ZNF385D: variants seen among roughly 807,000 people sequenced by gnomAD.
ZNF385D encodes zinc finger protein 385D, also known as zinc finger protein 659.
A neutral mutation model predicts 35.8 loss-of-function variants in ZNF385D; 15 were observed. The observed-to-expected ratio is 0.42, with a 90% CI of 0.28 to 0.64. ZNF385D has a LOEUF of 0.64. Ranked by LOEUF, ZNF385D falls within the 30% of genes least tolerant of loss-of-function variation. The pLI, the probability that ZNF385D is intolerant of heterozygous loss-of-function variation, is 0.23. For synonymous variants in ZNF385D, 212 were observed against 186.8 expected (o/e 1.13, Z -1.10); for missense variants, 474 against 494.6 (o/e 0.96, Z 0.39).
intron 3 of ZNF385D, among the ~76,000 whole-genome samples, chr3:21,773,792 G>C (rs1475990145): frequency 6.6e-6 from 1 of 151,922 alleles, no homozygotes; most frequent in East Asian, 1.9e-4. Flanking sequence ...TGAGGTTGTG[G>C]AGAAAAAGGA....
intron 2 of ZNF385D, among the ~76,000 whole-genome samples, chr3:22,273,653 A>T (rs1211231608): frequency 6.6e-6 from 1 of 152,052 alleles, no homozygotes; most frequent in Non-Finnish European, 1.5e-5. Flanking sequence ...ATATAAAATA[A>T]ATGTCTTAAA....
intron 2 of ZNF385D, among the ~76,000 whole-genome samples, chr3:22,256,832 TCA>T (rs1432409472): frequency 6.6e-6 from 1 of 151,882 alleles, no homozygotes; most frequent in African/African-American, 2.4e-5. Context: ...TCTCTCGTCT[TCA>T]CAGATTCATT....
chr3:21,643,995 G>T (rs2125863648), intron 2 of ZNF385D, among the ~76,000 whole-genome samples: 1 of 152,208 alleles, frequency 6.6e-6, no homozygotes, highest in South Asian at 2.1e-4. Flanking sequence ...AAAGGACAAA[G>T]AACAGGATGT....
chr3:21,614,822 C>A (rs928924290), intron 2 of ZNF385D, among the ~76,000 whole-genome samples: 1 of 152,164 alleles, frequency 6.6e-6, no homozygotes, highest in East Asian at 1.9e-4. Flanking sequence ...CTCTTGACCT[C>A]GTGATCTGCC....
chr3:22,010,879 A>G (rs533718854), intron 3 of ZNF385D, among the ~76,000 whole-genome samples: 3 of 152,124 alleles, frequency 2.0e-5, no homozygotes, highest in Non-Finnish European at 4.4e-5. Flanking sequence ...TTATGTCTGC[A>G]ATTTTTTCTT....
intron 3 of ZNF385D, among the ~76,000 whole-genome samples, chr3:21,912,872 C>T (rs1700026868): frequency 6.6e-6 from 1 of 152,002 alleles, no homozygotes; most frequent in Non-Finnish European, 1.5e-5. Context: ...TGGCTGTCTC[C>T]CAAGAGCATA....
chr3:22,085,104 A>G (rs12108062), intron 3 of ZNF385D, among the ~76,000 whole-genome samples: 20,957 of 152,232 alleles, frequency 0.14, 1,541 homozygotes, highest in African/African-American at 0.19. Flanking sequence ...ATAGCACTAA[A>G]TGCTCACAAG....
At chr3:21,578,824 G>T (rs762930802) in intron 2 of ZNF385D, among the ~76,000 whole-genome samples, 2 of 152,030 alleles carry the variant, frequency 1.3e-5, no homozygotes, top group Non-Finnish European at 2.9e-5. Flanking sequence ...GGGGTCTTTT[G>T]TGGTTCCATA....
At chr3:22,290,186 T>C (rs1469819230) in intron 2 of ZNF385D, among the ~76,000 whole-genome samples, 2 of 152,232 alleles carry the variant, frequency 1.3e-5, no homozygotes, top group South Asian at 2.1e-4. Flanking sequence ...GCCTGAACCT[T>C]TGTCTCTTCA....
At chr3:21,664,841 C>T (rs986683005) in intron 2 of ZNF385D, 45 bp downstream of exon 2, 1 of 1,612,298 alleles carries the variant, frequency 6.2e-7, no homozygotes, top group Non-Finnish European at 8.5e-7. Flanking sequence ...AGTTAGTTTT[C>T]CAATACCTTC....
At chr3:21,743,320 T>C (rs142624549) in intron 1 of ZNF385D, among the ~76,000 whole-genome samples, 2 of 152,268 alleles carry the variant, frequency 1.3e-5, no homozygotes, top group African/African-American at 2.4e-5. Context: ...ACATACAGTA[T>C]ACAATTAATA....
At chr3:21,449,390 C>T (rs1043036510) in intron 4 of ZNF385D, among the ~76,000 whole-genome samples, 10 of 152,012 alleles carry the variant, frequency 6.6e-5, no homozygotes, top group Non-Finnish European at 8.8e-5. Flanking sequence ...TAAATCACAA[C>T]ATCGTATTGG....
chr3:21,828,524 T>C (rs941465812), intron 3 of ZNF385D, among the ~76,000 whole-genome samples: 1 of 152,210 alleles, frequency 6.6e-6, no homozygotes, highest in African/African-American at 2.4e-5. Context: ...TTTTGACATT[T>C]ATGTCTTTCC....
At chr3:22,098,728 C>T (rs1320230445) in intron 3 of ZNF385D, among the ~76,000 whole-genome samples, 1 of 151,914 alleles carries the variant, frequency 6.6e-6, no homozygotes, top group Non-Finnish European at 1.5e-5. Context: ...AATTCTCAAC[C>T]TCCTTAATGA....
intron 3 of ZNF385D, among the ~76,000 whole-genome samples, chr3:21,757,134 TTTTTTG>T (rs1351427049): frequency 4.7e-5 from 6 of 128,260 alleles, no homozygotes; most frequent in South Asian, 2.5e-4. Flanking sequence ...TTTTTTTTTT[TTTTTTG>T]TTTTCTTGAG....
At chr3:22,069,516 C>T (rs1185289389) in intron 3 of ZNF385D, among the ~76,000 whole-genome samples, 1 of 152,064 alleles carries the variant, frequency 6.6e-6, no homozygotes, top group African/African-American at 2.4e-5. Context: ...GGCATGCTAA[C>T]ATTTTGGACT....
intron 2 of ZNF385D, among the ~76,000 whole-genome samples, chr3:21,661,251 G>T (rs1320291): frequency 6.6e-6 from 1 of 151,982 alleles, no homozygotes; most frequent in Non-Finnish European, 1.5e-5. Flanking sequence ...CCCTCACTAA[G>T]ACAACCATAC....
intron 2 of ZNF385D, among the ~76,000 whole-genome samples, chr3:22,312,970 C>T (rs563294194): frequency 1.1e-3 from 168 of 149,116 alleles, no homozygotes; most frequent in East Asian, 5.5e-3. Flanking sequence ...TATTGCAGCA[C>T]TATTCACAAT....
chr3:21,619,255 G>A (rs866906717), intron 2 of ZNF385D, among the ~76,000 whole-genome samples: 4 of 152,000 alleles, frequency 2.6e-5, no homozygotes, highest in East Asian at 1.9e-4. Flanking sequence ...TCATCTCCTC[G>A]CATGGCAGCC....
Sources: allele counts gnomAD v4.1 joint callset (sites outside exome capture counted in the v4.1 genomes callset), GRCh38; gene constraint gnomAD v4.1.1; transcripts MANE v1.5; gene names NCBI Gene and HGNC (gene_info 2026-07-23, HGNC 2026-07-21).